The following FGD4 variants were observed in gnomAD, a reference collection of about 807,000 sequenced individuals.
The protein encoded by FGD4 is FYVE, RhoGEF and PH domain-containing protein 4.
FGD4 carries 42 observed loss-of-function variants against 102.0 expected under a neutral mutation model. The observed-to-expected ratio is 0.41, with a 90% CI of 0.32 to 0.53. The LOEUF is 0.53. Ranked by LOEUF, FGD4 falls within the 20% of genes least tolerant of loss-of-function variation. The pLI is 0.21. For missense variants in FGD4, 902 were observed against 1,078.2 expected, an observed-to-expected ratio of 0.84 and a Z score of 2.29; for synonymous variants, 380 against 375.7, an observed-to-expected ratio of 1.01 and a Z score of -0.13.
intron 1 of FGD4, among the ~76,000 whole-genome samples, chr12:32,476,028 C>A (rs1029845174): frequency 3.9e-5 from 6 of 152,136 alleles, no homozygotes; most frequent in Non-Finnish European, 8.8e-5. Flanking sequence ...TTTTGACATT[C>A]TTCTTGGAAT....
At chr12:32,545,370 A>G (rs1481665347) in intron 1 of FGD4, among the ~76,000 whole-genome samples, 1 of 152,222 alleles carries the variant, frequency 6.6e-6, no homozygotes, top group African/African-American at 2.4e-5. Context: ...CTGGGGACAC[A>G]ACCAAAACTG....
chr12:32,485,436 A>AT (rs372655892), intron 1 of FGD4, among the ~76,000 whole-genome samples: 35,012 of 114,120 alleles, frequency 0.31, 6,552 homozygotes, highest in Middle Eastern at 0.46. Context: ...TTTAAGACCA[A>AT]TTTTTTTTTT....
chr12:32,575,664 A>C (rs910707948), intron 2 of FGD4, among the ~76,000 whole-genome samples: 1 of 152,220 alleles, frequency 6.6e-6, no homozygotes, highest in Non-Finnish European at 1.5e-5. Flanking sequence ...CATAGACATA[A>C]GAAGAGAATA....
intron 1 of FGD4, among the ~76,000 whole-genome samples, chr12:32,417,498 C>T (rs12319813): frequency 0.065 from 9,905 of 151,962 alleles, 1,060 homozygotes; most frequent in African/African-American, 0.22. Context: ...CACTCTGTCA[C>T]CCAGGCTGGA....
chr12:32,523,611 G>A (rs573825842), intron 1 of FGD4, among the ~76,000 whole-genome samples: 145 of 152,338 alleles, frequency 9.5e-4, no homozygotes, highest in African/African-American at 3.2e-3. Flanking sequence ...CTGACACGGA[G>A]GGATGGAGCA....
At chr12:32,526,074 G>A (rs1941154213) in intron 1 of FGD4, among the ~76,000 whole-genome samples, 1 of 152,264 alleles carries the variant, frequency 6.6e-6, no homozygotes, top group Non-Finnish European at 1.5e-5. Flanking sequence ...GGGCAGGACT[G>A]GCAGGCAGCT....
chr12:32,448,372 C>T (rs2136468356), intron 1 of FGD4, among the ~76,000 whole-genome samples: 1 of 152,018 alleles, frequency 6.6e-6, no homozygotes, highest in South Asian at 2.1e-4. Flanking sequence ...AAAAGGGGTG[C>T]TTGGCTGGGC....
rs1942700257 is a variant in FGD4 at position 32,449,087 on chromosome 12, T to TTTTTTAATTTCAAAAACTATCTCAAATA, written c.166+49130_166+49157dup. Among the ~76,000 whole-genome samples the TTTTTTAATTTCAAAAACTATCTCAAATA allele has an allele frequency of 5.9e-5, 9 of 152,338 alleles. No individual in the cohort carries two copies. The South Asian group carries it at 1.7e-3, about 28-fold the overall frequency. On this transcript the variant is annotated intron_variant, in intron 1 of 16. Coordinates refer to ENST00000534526, the MANE Select transcript of FGD4 (RefSeq NM_001370298.3). ...CACGAGATGTGGTTCCTATATATTA[T>TTTTTTAATTTCAAAAACTATCTCAAATA]TTTTTAATTTCAAAAACTATCTCAA...
At chr12:32,580,035 G>A (rs796489707) in intron 3 of FGD4, among the ~76,000 whole-genome samples, 8 of 152,288 alleles carry the variant, frequency 5.3e-5, no homozygotes, top group African/African-American at 1.9e-4. Flanking sequence ...TACCTGCACA[G>A]GGGAAGATAA....
intron 1 of FGD4, among the ~76,000 whole-genome samples, chr12:32,407,396 G>A (rs1303885238): frequency 6.6e-6 from 1 of 152,134 alleles, no homozygotes; most frequent in Non-Finnish European, 1.5e-5. Context: ...AAAGTGCTGG[G>A]ATTACAGGCG....
At chr12:32,523,870 C>G (rs972832241) in intron 1 of FGD4, among the ~76,000 whole-genome samples, 1 of 151,926 alleles carries the variant, frequency 6.6e-6, no homozygotes, top group Non-Finnish European at 1.5e-5. Context: ...CCCAGCTGTT[C>G]TGGAGGCTGA....
At chr12:32,432,643 A>G (rs73088098) in intron 1 of FGD4, among the ~76,000 whole-genome samples, 5,869 of 150,938 alleles carry the variant, frequency 0.039, 145 homozygotes, top group Non-Finnish European at 0.057. Flanking sequence ...TTGGCCCTTC[A>G]TTTTATAAAG....
intron 1 of FGD4, among the ~76,000 whole-genome samples, chr12:32,459,661 A>T (rs957813493): frequency 2.0e-5 from 3 of 151,964 alleles, no homozygotes; most frequent in African/African-American, 4.8e-5. Context: ...AAAGAAATGT[A>T]TTTAAAAATC....
At chr12:32,505,588 C>G (rs1401745885) in intron 1 of FGD4, among the ~76,000 whole-genome samples, 1 of 152,206 alleles carries the variant, frequency 6.6e-6, no homozygotes, top group African/African-American at 2.4e-5. Flanking sequence ...TTGTTGGAAC[C>G]ATTTCTGTAT....
intron 1 of FGD4, among the ~76,000 whole-genome samples, chr12:32,444,021 CTTTTTTTTTT>C (rs67353121): frequency 8.4e-6 from 1 of 119,120 alleles, no homozygotes; most frequent in Admixed American, 8.4e-5. Context: ...ACTTTGTTTT[CTTTTTTTTTT>C]TTTTTTTTTT....
chr12:32,526,059 G>A (rs117740111), intron 1 of FGD4, among the ~76,000 whole-genome samples: 17,491 of 152,318 alleles, frequency 0.11, 1,056 homozygotes, highest in Middle Eastern at 0.2. Context: ...GAATGCGAGC[G>A]CAGGGGGCAG....
rs139037931 is a variant in FGD4 at position 32,625,529 on chromosome 12, G to C, written c.2047-125G>C. The stretch of plus-strand genomic sequence containing the variant: ...AGGTGATCCGCCTGCCTCAGCTTCC[G>C]AAAGTGCTGGGATTATAGTTCAGAA... On this transcript the variant is annotated intron_variant, in intron 13 of 16. Coordinates refer to ENST00000534526, the MANE Select transcript of FGD4 (RefSeq NM_001370298.3). 4.7e-6 allele frequency: 6 copies of C among 1,272,232 alleles called. No individual in the cohort carries two copies. In the East Asian group the frequency reaches 1.6e-4, roughly 33 times the overall value. The allele number at this position is 1,272,232 out of a possible 1,614,324, so 78.8% of individuals were successfully genotyped here. A position where few individuals can be genotyped will look rare whatever the true frequency, so the allele number is the denominator to read the frequency against.
chr12:32,548,760 C>T (rs1943426087), intron 1 of FGD4, among the ~76,000 whole-genome samples: 1 of 152,228 alleles, frequency 6.6e-6, no homozygotes, highest in South Asian at 2.1e-4. Flanking sequence ...CTCAGGCATC[C>T]TGGGTCCTGC....
At chr12:32,579,339 C>T (rs117736959) in intron 3 of FGD4, among the ~76,000 whole-genome samples, 2,351 of 152,166 alleles carry the variant, frequency 0.015, 36 homozygotes, top group Middle Eastern at 0.058. Context: ...CTACCGTGCC[C>T]GGCCGGAACA....
Sources: allele counts gnomAD v4.1 joint callset (sites outside exome capture counted in the v4.1 genomes callset), GRCh38; gene constraint gnomAD v4.1.1; transcripts MANE v1.5; gene names NCBI Gene and HGNC (gene_info 2026-07-23, HGNC 2026-07-21).